The following POLN variants were observed in gnomAD, a reference collection of about 807,000 sequenced individuals.
POLN encodes the protein DNA polymerase N.
In POLN, 108 loss-of-function variants were observed where a neutral mutation model predicts 113.5. The observed-to-expected ratio is 0.95, with a 90% CI of 0.81 to 1.12. The LOEUF (loss-of-function observed/expected upper bound fraction) is 1.12, where lower values mean the gene tolerates loss of function less well. Ranked by LOEUF, POLN falls within the 50% of genes most tolerant of loss-of-function variation. POLN has a pLI of 0.00. For synonymous variants in POLN, 386 were observed against 391.5 expected (o/e 0.99, Z 0.17); for missense variants, 1,097 against 1,077.1 (o/e 1.02, Z -0.26).
intron 19 of POLN, among the ~76,000 whole-genome samples, chr4:2,113,361 A>G (rs909150795): frequency 6.6e-6 from 1 of 151,932 alleles, no homozygotes; most frequent in Admixed American, 6.6e-5. Flanking sequence ...CATTGTGCAC[A>G]TGTACCCTAA....
chr4:2,229,387 A>C, intron 2 of POLN, 144 bp from the exon 3 acceptor site: 5 of 624,770 alleles, frequency 8.0e-6, no homozygotes, highest in Non-Finnish European at 1.3e-5. Flanking sequence ...GGCATCAATC[A>C]TCCAATAATA....
intron 17 of POLN, 52 bp from the exon 18 acceptor site, chr4:2,129,308 T>C (rs752657986): frequency 7.2e-6 from 8 of 1,106,714 alleles, no homozygotes; most frequent in Admixed American, 5.1e-5. Flanking sequence ...AACTGATGCA[T>C]AGCTATTCCT....
At chr4:2,196,147 C>T (rs1733567470) in intron 6 of POLN, among the ~76,000 whole-genome samples, 1 of 152,126 alleles carries the variant, frequency 6.6e-6, no homozygotes. Context: ...GGGATGTATT[C>T]TTCTAGTATA....
intron 21 of POLN, among the ~76,000 whole-genome samples, chr4:2,082,100 A>T (rs1292237230): frequency 6.6e-6 from 1 of 151,734 alleles, no homozygotes; most frequent in Non-Finnish European, 1.5e-5. Context: ...GATTACAAGC[A>T]CCTGCCACGA....
intron 3 of POLN, among the ~76,000 whole-genome samples, chr4:2,226,235 C>T (rs985105612): frequency 3.3e-5 from 5 of 152,168 alleles, no homozygotes; most frequent in South Asian, 2.1e-4. Flanking sequence ...AAATGGCACC[C>T]GCTGAGCTCA....
rs140056661 is a variant in POLN, at chr4:2,126,753, G to C, written c.1982+1360C>G. Among the ~76,000 whole-genome samples the C allele has an allele frequency of 3.2e-3, 494 of 152,244 alleles. 3 individuals carry two copies. Among genetic ancestry groups the C allele is most frequent in the African/African-American group, 0.011 (454 of 41,546 alleles). ...GGAGGGAGACACACGGACATTCGGG[G>C]AAAGAGCTTCCTGAGCCCCAGGACA... is the stretch of plus-strand genomic sequence containing the variant. On this transcript the variant is annotated intron_variant, in intron 19 of 25. Coordinates refer to ENST00000511885, the MANE Select transcript of POLN (RefSeq NM_181808.4). This position sits in a 1 kb window ranked among gnomAD's most constrained non-coding sequence, Gnocchi z 4.6.
chr4:2,129,709 A>G lies in POLN; in HGVS notation c.1790-453T>C, dbSNP rs898001481. Among the ~76,000 whole-genome samples, 3 of 152,224 alleles carry G rather than the reference A, an allele frequency of 2.0e-5. No homozygotes were observed. The East Asian group carries it at 5.8e-4, about 29-fold the overall frequency. On this transcript the variant is annotated intron_variant, in intron 17 of 25. Coordinates refer to ENST00000511885, the MANE Select transcript of POLN (RefSeq NM_181808.4). ...CTGGCCTTATTAATGTAATTTAAAA[A>G]TAACATATTACTACTGAAAGTTAAC... is the stretch of plus-strand genomic sequence containing the variant.
chr4:2,090,330 A>G (rs985761103), intron 20 of POLN: 3 of 801,862 alleles, frequency 3.7e-6, no homozygotes, highest in Non-Finnish European at 6.1e-6. Context: ...TTCATCTGGC[A>G]CAGCATCTCC....
chr4:2,117,684 G>T (rs895030730), intron 19 of POLN, among the ~76,000 whole-genome samples: 1 of 152,230 alleles, frequency 6.6e-6, no homozygotes, highest in African/African-American at 2.4e-5. Flanking sequence ...TCTGAATCCT[G>T]ACTGGGTAGG....
chr4:2,185,620 C>A (rs1157932391), intron 7 of POLN, among the ~76,000 whole-genome samples: 5 of 152,156 alleles, frequency 3.3e-5, no homozygotes, highest in African/African-American at 1.2e-4. Context: ...GTGGCACGTG[C>A]CTGTAATCCC....
intron 16 of POLN, among the ~76,000 whole-genome samples, chr4:2,132,045 C>G (rs1396060349): frequency 6.6e-6 from 1 of 152,210 alleles, no homozygotes; most frequent in East Asian, 1.9e-4. Context: ...GTCCTGCAAT[C>G]TTACAGCAAT....
intron 2 of POLN, among the ~76,000 whole-genome samples, chr4:2,234,982 T>G (rs1248390151): frequency 6.6e-6 from 1 of 152,086 alleles, no homozygotes; most frequent in Non-Finnish European, 1.5e-5. Flanking sequence ...GCCTCCCGGG[T>G]TCAAGGGATT....
At chr4:2,217,948 G>A (rs900489463) in intron 3 of POLN, among the ~76,000 whole-genome samples, 1 of 152,222 alleles carries the variant, frequency 6.6e-6, no homozygotes, top group African/African-American at 2.4e-5. Context: ...GGTTAACCAC[G>A]TTGCAGGATG....
Position 2,160,217 on chromosome 4 carries a change from A to C in POLN, c.1555-1006T>G, listed in dbSNP as rs146066639. On this transcript the variant is annotated intron_variant, in intron 13 of 25. Coordinates refer to ENST00000511885, the MANE Select transcript of POLN (RefSeq NM_181808.4). ...TCTCCCCAGTGACTAACGCTGTTGGACACTATTCATATATTTGACTAATTG... is the reference window on the plus strand; with the variant it reads ...TCTCCCCAGTGACTAACGCTGTTGGCCACTATTCATATATTTGACTAATTG... Among the ~76,000 whole-genome samples the C allele has an allele frequency of 1.6e-3, 241 of 152,296 alleles. 2 individuals carry two copies. The highest frequency in any genetic ancestry group is 5.6e-3 in the African/African-American group (232 of 41,562).
At chr4:2,091,128 T>C (rs372152510) in intron 20 of POLN, among the ~76,000 whole-genome samples, 4 of 152,376 alleles carry the variant, frequency 2.6e-5, no homozygotes, top group African/African-American at 9.6e-5. Context: ...CTCTGGTCAC[T>C]TCCCAGTGCC....
At chr4:2,156,374 GCTTTT>G (rs1329837732) in intron 16 of POLN, 1 of 363,016 alleles carries the variant, frequency 2.8e-6, no homozygotes, top group African/African-American at 2.9e-5. Context: ...GGAATTTAGA[GCTTTT>G]TTTTTTTTTT....
At position 2,080,925 on chromosome 4, in the gene POLN, C is replaced by T. The variant is rs759528212; in HGVS notation, c.2387+33G>A. ...TCTTCCCACAGAATACTAACCCTCC[C>T]ATCCAAGCCCTGGGAGACCACCACC... On this transcript the variant is annotated intron_variant, in intron 23 of 25. Transcript: ENST00000511885. The T allele has an allele frequency of 3.1e-6, 5 of 1,613,502 alleles. No individual in the cohort carries two copies. In the Admixed American group the frequency reaches 8.3e-5, roughly 27 times the overall value.
At chr4:2,144,648 A>G (rs1214039925) in intron 16 of POLN, among the ~76,000 whole-genome samples, 3 of 152,202 alleles carry the variant, frequency 2.0e-5, no homozygotes, top group African/African-American at 7.2e-5. Context: ...TGAATGCTAC[A>G]TATTTTTCCT....
At chr4:2,238,939 A>G (rs748254182) in intron 2 of POLN, 26 of 1,608,366 alleles carry the variant, frequency 1.6e-5, no homozygotes, top group South Asian at 1.1e-5. Flanking sequence ...CTCTTACCAC[A>G]GCAGGTAAAC....
Sources: allele counts gnomAD v4.1 joint callset (sites outside exome capture counted in the v4.1 genomes callset), GRCh38; gene constraint gnomAD v4.1.1; non-coding constraint Gnocchi (gnomAD v3.1); transcripts MANE v1.5; gene names NCBI Gene and HGNC (gene_info 2026-07-23, HGNC 2026-07-21).